The following DENND2B variants were observed in gnomAD, a reference collection of about 807,000 sequenced individuals.
DENND2B encodes the protein DENN domain-containing protein 2B.
A neutral mutation model predicts 116.0 loss-of-function variants in DENND2B; 32 were observed. The observed-to-expected ratio is 0.28, with a 90% CI of 0.21 to 0.37. The LOEUF (loss-of-function observed/expected upper bound fraction) is 0.37. Ranked by LOEUF, DENND2B falls within the 10% of genes least tolerant of loss-of-function variation. The pLI, the probability that DENND2B is intolerant of heterozygous loss-of-function variation, is 1.00. For synonymous variants in DENND2B, 588 were observed against 583.9 expected, an observed-to-expected ratio of 1.01 and a Z score of -0.10; for missense variants, 1,276 against 1,477.7, an observed-to-expected ratio of 0.86 and a Z score of 2.24.
intron 1 of DENND2B, among the ~76,000 whole-genome samples, chr11:8,886,459 G>C (rs2063961978): frequency 1.3e-5 from 2 of 151,916 alleles, no homozygotes; most frequent in Non-Finnish European, 2.9e-5. Flanking sequence ...GCTGTATCTG[G>C]AAAGGGTAAA....
At chr11:8,835,014 G>A (rs758841646) in intron 4 of DENND2B, among the ~76,000 whole-genome samples, 2 of 152,204 alleles carry the variant, frequency 1.3e-5, no homozygotes, top group African/African-American at 4.8e-5. Flanking sequence ...GGGAGGCCAA[G>A]GTGGGCGGAT....
At chr11:8,882,343 T>C (rs1398113188) in intron 1 of DENND2B, among the ~76,000 whole-genome samples, 2 of 152,234 alleles carry the variant, frequency 1.3e-5, no homozygotes, top group East Asian at 3.8e-4. Context: ...TTCCTACTCC[T>C]TGGGAGAATG....
In DENND2B at chr11:8,696,562, T is replaced by C; in HGVS notation, c.3157A>G (p.Arg1053Gly). 1.2e-6 allele frequency: 2 copies of C among 1,614,140 alleles called. No individual in the cohort carries two copies. The highest frequency in any genetic ancestry group is 1.7e-6 in the Non-Finnish European group (2 of 1,180,016). The change falls in exon 18 of 20, where the codon AGG (arginine) becomes GGG (glycine). Residue 1053 changes from arginine (R) to glycine (G), a missense_variant. By Grantham distance (125) the Arg-to-Gly change is moderately radical. This residue lies in a region of DENND2B where 420 missense variants were observed against 631.1 expected (regional missense o/e 0.67). Transcript: ENST00000313726. ...LFLTQSEKGE[R>G]AFQREAFRKS... ...CGGAAGGCCTCTCGCTGAAAGGCCC[T>C]CTCTCCCTTCTCACTCTGTGTCAGA...
intron 1 of DENND2B, among the ~76,000 whole-genome samples, chr11:8,783,350 G>A (rs886950280): frequency 3.3e-5 from 5 of 152,078 alleles, no homozygotes; most frequent in East Asian, 3.8e-4. Context: ...AAAGTCCATC[G>A]TCAGGTTAAC....
intron 1 of DENND2B, among the ~76,000 whole-genome samples, chr11:8,904,881 A>G (rs2064216102): frequency 6.6e-6 from 1 of 152,168 alleles, no homozygotes; most frequent in South Asian, 2.1e-4. Flanking sequence ...TCACTACACA[A>G]TATTAGTAAA....
intron 4 of DENND2B, among the ~76,000 whole-genome samples, chr11:8,723,462 C>A (rs2046538053): frequency 1.3e-5 from 2 of 152,154 alleles, no homozygotes; most frequent in African/African-American, 4.8e-5. Context: ...GTTCCCCAGG[C>A]CTTCTTAGGT....
At chr11:8,859,751 C>A (rs968986294) in intron 2 of DENND2B, among the ~76,000 whole-genome samples, 1 of 152,142 alleles carries the variant, frequency 6.6e-6, no homozygotes, top group African/African-American at 2.4e-5. Flanking sequence ...CTCAGCACTG[C>A]CCCACTACCC....
intron 2 of DENND2B, among the ~76,000 whole-genome samples, chr11:8,864,198 C>T (rs1475926688): frequency 6.6e-6 from 1 of 152,112 alleles, no homozygotes; most frequent in Non-Finnish European, 1.5e-5. Context: ...AGTTGCTTCC[C>T]AACAGCAATA....
intron 5 of DENND2B, 83 bp downstream of exon 5, chr11:8,717,658 A>ATCTCGGTGGT: frequency 6.9e-7 from 1 of 1,458,810 alleles, no homozygotes; most frequent in Admixed American, 2.4e-5. Flanking sequence ...GCCTGAGTGG[A>ATCTCGGTGGT]AGCTGGGCCC....
At chr11:8,825,313 T>C (rs2061935893) in intron 4 of DENND2B, among the ~76,000 whole-genome samples, 1 of 152,204 alleles carries the variant, frequency 6.6e-6, no homozygotes, top group Non-Finnish European at 1.5e-5. Flanking sequence ...GTTGGCCACA[T>C]GTATGTCTTC....
At chr11:8,844,616 T>C (rs2062746070) in intron 3 of DENND2B, among the ~76,000 whole-genome samples, 1 of 152,140 alleles carries the variant, frequency 6.6e-6, no homozygotes, top group African/African-American at 2.4e-5. Flanking sequence ...TGCTTCAAAA[T>C]CTTTTACTGA....
intron 2 of DENND2B, among the ~76,000 whole-genome samples, chr11:8,868,918 G>A (rs1014797443): frequency 3.3e-5 from 5 of 152,182 alleles, no homozygotes; most frequent in Non-Finnish European, 7.3e-5. Context: ...CCCATGGGCC[G>A]CCCAGGACGG....
intron 4 of DENND2B, among the ~76,000 whole-genome samples, chr11:8,834,458 C>G (rs945557023): frequency 6.6e-6 from 1 of 152,138 alleles, no homozygotes; most frequent in Non-Finnish European, 1.5e-5. Flanking sequence ...AGAATGCGAT[C>G]CTGTCATAAT....
chr11:8,714,867 G>A, intron 6 of DENND2B, 161 bp from the exon 7 acceptor site: 1 of 608,828 alleles, frequency 1.6e-6, no homozygotes, highest in Admixed American at 2.9e-5. Context: ...ACCTCAAGTG[G>A]TGACTCACCA....
chr11:8,901,224 C>CTT (rs140277618), intron 1 of DENND2B, among the ~76,000 whole-genome samples: 1 of 55,748 alleles, frequency 1.8e-5, no homozygotes, highest in African/African-American at 5.5e-5. Flanking sequence ...CTTTTCTTTT[C>CTT]TTTTCTTTTT....
chr11:8,847,075 C>T (rs1460483701), intron 3 of DENND2B, among the ~76,000 whole-genome samples: 1 of 152,210 alleles, frequency 6.6e-6, no homozygotes, highest in Non-Finnish European at 1.5e-5. Context: ...CTTTCATAGT[C>T]TTTGGCTTAG....
In DENND2B at chr11:8,712,823, A is replaced by C. The variant is rs1183547265; in HGVS notation, c.1988-88T>G. On this transcript the variant is annotated intron_variant, in intron 8 of 19. Coordinates refer to ENST00000313726, the MANE Select transcript of DENND2B (RefSeq NM_213618.2). The surrounding 1 kb of genome is among the most constrained non-coding windows in gnomAD (Gnocchi z 4.4). ...CTGGCTCAGGGCTCCATTGCTGTGGAGCACTTTTAAGTACGTGAGCCTAGT... is the reference window on the plus strand; with the variant it reads ...CTGGCTCAGGGCTCCATTGCTGTGGCGCACTTTTAAGTACGTGAGCCTAGT... The C allele has an allele frequency of 2.2e-6, 3 of 1,372,542 alleles. No homozygotes were observed. The highest frequency in any genetic ancestry group is 2.9e-6 in the Non-Finnish European group (3 of 1,021,820). 85.0% of individuals were successfully genotyped at this position (1,372,542 alleles called of 1,614,324 possible). A position where few individuals can be genotyped will look rare whatever the true frequency, so the allele number is the denominator to read the frequency against.
chr11:8,776,186 A>ACACACC lies in DENND2B; in HGVS notation c.-25-25462_-25-25461insGGTGTG, dbSNP rs761084725. 4.7e-4 allele frequency: 206 copies of ACACACC among 442,750 alleles called. 1 individual carries two copies. Among genetic ancestry groups the ACACACC allele is most frequent in the South Asian group, 1.0e-3 (65 of 62,716 alleles). 27.4% of individuals were successfully genotyped at this position (442,750 alleles called of 1,614,324 possible). The stretch of plus-strand genomic sequence containing the variant: ...CACACACACACACACACACACACAC[A>ACACACC]CCTACCTCTCTCCAGGCAGGACACC... On this transcript the variant is annotated intron_variant, in intron 1 of 19. Transcript: ENST00000313726.
intron 3 of DENND2B, among the ~76,000 whole-genome samples, chr11:8,856,367 T>C (rs1417503479): frequency 6.6e-6 from 1 of 152,216 alleles, no homozygotes; most frequent in East Asian, 1.9e-4. Context: ...AGTGTTTTGT[T>C]AGAGATGGAA....
Sources: allele counts gnomAD v4.1 joint callset (sites outside exome capture counted in the v4.1 genomes callset), GRCh38; gene constraint gnomAD v4.1.1; regional missense constraint gnomAD v4.1.1; non-coding constraint Gnocchi (gnomAD v3.1); transcripts MANE v1.5; gene names NCBI Gene and HGNC (gene_info 2026-07-23, HGNC 2026-07-21).